VTI1A: variants seen among roughly 807,000 people sequenced by gnomAD.
The protein encoded by VTI1A is vesicle transport through interaction with t-SNAREs 1A, also known as vesicle transport through interaction with t-SNAREs homolog 1A.
Under a neutral mutation model 34.9 loss-of-function variants are expected in VTI1A, and 22 were observed. The ratio of observed to expected loss-of-function variants is 0.63; its 90% CI spans 0.45 to 0.90. The LOEUF (loss-of-function observed/expected upper bound fraction) is 0.90, where lower values mean the gene tolerates loss of function less well. VTI1A is among the 40% of genes least tolerant of loss of function. VTI1A has a pLI of 0.00. For synonymous variants in VTI1A, 87 were observed against 97.3 expected (o/e 0.89, Z 0.62); for missense variants, 268 against 275.6 (o/e 0.97, Z 0.20).
intron 5 of VTI1A, among the ~76,000 whole-genome samples, chr10:112,654,486 TTTTA>T (rs1364841908): frequency 6.6e-6 from 1 of 152,036 alleles, no homozygotes; most frequent in East Asian, 1.9e-4. Flanking sequence ...TTCTTTTTCT[TTTTA>T]TTTATTTATT....
chr10:112,813,038 C>CTCGT lies in VTI1A; in HGVS notation c.561-2252_561-2251insTCGT, dbSNP rs1853372476. On this transcript the variant is annotated intron_variant, in intron 7 of 7. Transcript: ENST00000393077. ...TCTTTGGGCAGTTCTCTTTTGAGTA[C>CTCGT]CTGTGTGCAACGCGACTGTGCCATG... Among the ~76,000 whole-genome samples, 3 of 152,340 alleles carry CTCGT rather than the reference C, an allele frequency of 2.0e-5. No individual in the cohort carries two copies. In the South Asian group the frequency reaches 6.2e-4, roughly 32 times the overall value.
intron 3 of VTI1A, among the ~76,000 whole-genome samples, chr10:112,473,349 A>T (rs1030961317): frequency 2.0e-5 from 3 of 151,994 alleles, no homozygotes; most frequent in Non-Finnish European, 4.4e-5. Flanking sequence ...TGACCTCGTG[A>T]TCCACCCACC....
intron 1 of VTI1A, among the ~76,000 whole-genome samples, chr10:112,451,925 A>G (rs577320750): frequency 1.6e-4 from 24 of 152,380 alleles, no homozygotes; most frequent in African/African-American, 5.3e-4. Flanking sequence ...TATTTTAGAT[A>G]TATGCAATTA....
chr10:112,650,071 T>C (rs1164762532), intron 5 of VTI1A, among the ~76,000 whole-genome samples: 1 of 152,254 alleles, frequency 6.6e-6, no homozygotes, highest in Non-Finnish European at 1.5e-5. Context: ...AACAATCAGT[T>C]AACCTTTGCT....
chr10:112,632,927 ACTT>A (rs1846190084), intron 5 of VTI1A, among the ~76,000 whole-genome samples: 1 of 152,190 alleles, frequency 6.6e-6, no homozygotes, highest in South Asian at 2.1e-4. Flanking sequence ...AAATAGAAAT[ACTT>A]CTTATTTTGT....
Position 112,729,796 on chromosome 10 carries a change from C to T in VTI1A, c.560+60798C>T, listed in dbSNP as rs77650517. Reference sequence around the variant, plus strand: ...AAATCAGCTGATTGCAGGCTGGACACCCTTGGTGTAATCTACAAAGACAGG... The same window carrying T: ...AAATCAGCTGATTGCAGGCTGGACATCCTTGGTGTAATCTACAAAGACAGG... On this transcript the variant is annotated intron_variant, in intron 7 of 7. Coordinates refer to ENST00000393077, the MANE Select transcript of VTI1A (RefSeq NM_145206.4). 7.0e-3 allele frequency among the ~76,000 whole-genome samples: 1,070 copies of T among 152,310 alleles called. 17 individuals are homozygous for T. Among genetic ancestry groups the T allele is most frequent in the African/African-American group, 0.024 (1,007 of 41,560 alleles).
At chr10:112,634,651 G>T (rs1846275350) in intron 5 of VTI1A, among the ~76,000 whole-genome samples, 1 of 151,846 alleles carries the variant, frequency 6.6e-6, no homozygotes, top group Non-Finnish European at 1.5e-5. Context: ...AAGGTGGTTT[G>T]GCAAGCTGTT....
At chr10:112,518,611 ATGTG>A (rs1365789222) in intron 3 of VTI1A, among the ~76,000 whole-genome samples, 1 of 134,186 alleles carries the variant, frequency 7.5e-6, no homozygotes, top group African/African-American at 2.8e-5. Context: ...ATATATATAT[ATGTG>A]TGTGTGTGTA....
intron 7 of VTI1A, among the ~76,000 whole-genome samples, chr10:112,801,759 T>G (rs551083619): frequency 6.6e-6 from 1 of 152,326 alleles, no homozygotes; most frequent in Admixed American, 6.5e-5. Flanking sequence ...GATCACGCAT[T>G]TACCTAGAAG....
chr10:112,588,785 C>T (rs1203241375), intron 5 of VTI1A, among the ~76,000 whole-genome samples: 2 of 152,188 alleles, frequency 1.3e-5, no homozygotes. Context: ...TCAACACTTT[C>T]TCTTTCCTGG....
chr10:112,447,156 G>C (rs1846855740), upstream of VTI1A: 2 of 530,314 alleles, frequency 3.8e-6, no homozygotes, highest in East Asian at 5.8e-5. Flanking sequence ...TTATCTTAAA[G>C]TCGGAGCGGA....
At chr10:112,843,299 C>T in the VTI1A span, among the ~76,000 whole-genome samples, 1 of 152,206 alleles carries the variant, frequency 6.6e-6, no homozygotes, top group African/African-American at 2.4e-5. Context: ...GGACAACATT[C>T]AGCAAAGCCA....
chr10:112,709,830 A>G (rs1031323949), intron 7 of VTI1A, among the ~76,000 whole-genome samples: 3 of 149,260 alleles, frequency 2.0e-5, no homozygotes. Context: ...AGGTGGGACT[A>G]TAGGCAGGCA....
chr10:112,763,132 A>G (rs1023794962), intron 7 of VTI1A, among the ~76,000 whole-genome samples: 1 of 152,092 alleles, frequency 6.6e-6, no homozygotes, highest in Admixed American at 6.6e-5. Flanking sequence ...TAGACTTAAA[A>G]TGTACCACTG....
At chr10:112,748,177 G>A (rs1850971215) in intron 7 of VTI1A, among the ~76,000 whole-genome samples, 1 of 152,038 alleles carries the variant, frequency 6.6e-6, no homozygotes, top group Non-Finnish European at 1.5e-5. Context: ...GCCCGGCTCA[G>A]GGCAACATCA....
At chr10:112,636,955 C>T (rs1846380120) in intron 5 of VTI1A, among the ~76,000 whole-genome samples, 1 of 152,176 alleles carries the variant, frequency 6.6e-6, no homozygotes, top group East Asian at 1.9e-4. Flanking sequence ...AAACATTTCA[C>T]ATTTCTTATG....
In VTI1A at chr10:112,669,710, G is replaced by A. The variant is rs532958327; in HGVS notation, c.560+712G>A. ...TGGAACTGTGGATAGAAAAGTGAAC[G>A]AGAAACATTGAGAATGGCCTCTGGA... On this transcript the variant is annotated intron_variant, in intron 7 of 7. Transcript: ENST00000393077. Among the ~76,000 whole-genome samples, 23 of 152,218 alleles carry A rather than the reference G, an allele frequency of 1.5e-4. No homozygotes were observed. In the South Asian group the frequency reaches 4.1e-3, roughly 27 times the overall value.
chr10:112,815,143 A>ACACACACACC (rs1853475319), intron 7 of VTI1A, 147 bp from the exon 8 acceptor site: 1 of 379,458 alleles, frequency 2.6e-6, no homozygotes, highest in African/African-American at 2.3e-5. Context: ...GCGCGCGCAC[A>ACACACACACC]CACACACACA....
chr10:112,754,162 C>T (rs887130563), intron 7 of VTI1A, among the ~76,000 whole-genome samples: 1 of 152,160 alleles, frequency 6.6e-6, no homozygotes, highest in Non-Finnish European at 1.5e-5. Flanking sequence ...AGAAGGTACA[C>T]CCACGGAGAA....
Sources: gnomAD v4.1 joint callset for allele counts (sites outside exome capture counted in the v4.1 genomes callset) on GRCh38, gnomAD v4.1.1 for gene constraint, MANE v1.5 for transcripts, NCBI Gene and HGNC (gene_info 2026-07-23, HGNC 2026-07-21) for gene names.